FRMD3: variants seen among roughly 807,000 people sequenced by gnomAD.
FRMD3 encodes FERM domain containing 3, also known as FERM domain-containing protein 3.
FRMD3 carries 33 observed loss-of-function variants against 70.2 expected under a neutral mutation model. The observed-to-expected ratio is 0.47, with a 90% confidence interval of 0.36 to 0.63. The LOEUF is 0.63. FRMD3 is among the 20% of genes least tolerant of loss of function. FRMD3 has a pLI of 0.00. For missense variants in FRMD3, 632 were observed against 711.4 expected (o/e 0.89, Z 1.27); for synonymous variants, 279 against 255.9 (o/e 1.09, Z -0.86).
chr9:83,294,925 C>T (rs1834600148), intron 12 of FRMD3, among the ~76,000 whole-genome samples: 1 of 152,174 alleles, frequency 6.6e-6, no homozygotes, highest in Admixed American at 6.5e-5. Context: ...TCTGCCTTTC[C>T]ACCTGAACTC....
In FRMD3 at chr9:83,299,166, A is replaced by C. The variant is rs769259390; in HGVS notation, c.947T>G (p.Ile316Ser). Reference protein sequence around the residue: ...AFYKYAKSSQIKTVSSSKIFF... With the variant: ...AFYKYAKSSQSKTVSSSKIFF... ...TATCTTGCTGCTTGATACAGTCTTGATCTGACTGGATTTTGCATACCTTTA... is the reference window on the plus strand; with the variant it reads ...TATCTTGCTGCTTGATACAGTCTTGCTCTGACTGGATTTTGCATACCTTTA... Residue 316 changes from isoleucine (I) to serine (S), a missense_variant, in exon 11 of 14, where the codon ATC (isoleucine) becomes AGC (serine). Physicochemically the swap from Ile to Ser is moderately radical, Grantham distance 142. Transcript: ENST00000304195. The C allele has an allele frequency of 6.2e-7, 1 of 1,611,970 alleles. No homozygotes were observed. Among genetic ancestry groups the C allele is most frequent in the African/African-American group, 1.3e-5 (1 of 74,920 alleles).
At chr9:83,472,500 T>G (rs900414361) in intron 1 of FRMD3, among the ~76,000 whole-genome samples, 2 of 152,090 alleles carry the variant, frequency 1.3e-5, no homozygotes, top group African/African-American at 4.8e-5. Context: ...GAGGAGACAT[T>G]CTGGAGCCAG....
chr9:83,476,995 C>T (rs937186303), intron 1 of FRMD3, among the ~76,000 whole-genome samples: 2 of 152,164 alleles, frequency 1.3e-5, no homozygotes, highest in Non-Finnish European at 2.9e-5. Flanking sequence ...CTAACTAGCA[C>T]AGTATCTTGC....
chr9:83,316,843 C>T (rs1335404081), intron 6 of FRMD3, among the ~76,000 whole-genome samples: 3 of 152,152 alleles, frequency 2.0e-5, no homozygotes, highest in Non-Finnish European at 4.4e-5. Flanking sequence ...GTATTTCTCT[C>T]TCCATCTCTC....
intron 1 of FRMD3, among the ~76,000 whole-genome samples, chr9:83,505,473 G>C (rs1274921683): frequency 6.6e-6 from 1 of 152,168 alleles, no homozygotes; most frequent in African/African-American, 2.4e-5. Flanking sequence ...ACAGATGGGG[G>C]TGCTGAGTAG....
chr9:83,272,695 G>C (rs1307855426), intron 13 of FRMD3, among the ~76,000 whole-genome samples: 1 of 147,870 alleles, frequency 6.8e-6, no homozygotes. Context: ...GGGAAGTGAG[G>C]AGCGCCTCTT....
At chr9:83,308,154 T>TG (rs1480930861) in intron 10 of FRMD3, among the ~76,000 whole-genome samples, 1 of 152,158 alleles carries the variant, frequency 6.6e-6, no homozygotes, top group Non-Finnish European at 1.5e-5. Flanking sequence ...ATGGGTTTCC[T>TG]GGGACATGGG....
At chr9:83,362,764 T>TTCC (rs1469782595) in intron 3 of FRMD3, among the ~76,000 whole-genome samples, 3 of 144,074 alleles carry the variant, frequency 2.1e-5, no homozygotes, top group African/African-American at 7.9e-5. Context: ...TCCTTCCTTC[T>TTCC]CTCCTTCCTT....
intron 13 of FRMD3, among the ~76,000 whole-genome samples, chr9:83,254,637 A>G (rs1156570559): frequency 6.6e-6 from 1 of 152,128 alleles, no homozygotes. Flanking sequence ...GACTAGCTAG[A>G]CTAATAAAGA....
chr9:83,576,669 A>G, the FRMD3 span, among the ~76,000 whole-genome samples: 1 of 151,428 alleles, frequency 6.6e-6, no homozygotes, highest in Admixed American at 6.6e-5. Context: ...AAGATTAAAT[A>G]CTCTCCCCCA....
At chr9:83,476,314 G>A (rs908349840) in intron 1 of FRMD3, among the ~76,000 whole-genome samples, 12 of 151,046 alleles carry the variant, frequency 7.9e-5, no homozygotes, top group African/African-American at 2.9e-4. Flanking sequence ...AACCTGGGAA[G>A]CAGAGGTTGC....
chr9:83,542,921 T>C (rs1830015256), upstream of FRMD3, among the ~76,000 whole-genome samples: 1 of 152,132 alleles, frequency 6.6e-6, no homozygotes, highest in South Asian at 2.1e-4. Context: ...AGTATAGACA[T>C]AGACCACACA....
At chr9:83,408,340 A>G (rs1826185092) in intron 1 of FRMD3, among the ~76,000 whole-genome samples, 1 of 152,128 alleles carries the variant, frequency 6.6e-6, no homozygotes, top group South Asian at 2.1e-4. Context: ...GAGGAAAAAT[A>G]TGGTCTATCT....
At chr9:83,487,165 A>G (rs1242156046) in intron 1 of FRMD3, among the ~76,000 whole-genome samples, 2 of 152,232 alleles carry the variant, frequency 1.3e-5, no homozygotes, top group Non-Finnish European at 2.9e-5. Context: ...CCAAGTTATC[A>G]TTATCAAGAA....
chr9:83,389,760 C>T (rs773848811), intron 1 of FRMD3, 52 bp from the exon 2 acceptor site: 17 of 1,276,826 alleles, frequency 1.3e-5, no homozygotes, highest in East Asian at 9.2e-5. Flanking sequence ...TGTGCATTCA[C>T]GTCCTCAGGG....
intron 1 of FRMD3, among the ~76,000 whole-genome samples, chr9:83,443,254 T>G (rs562397754): frequency 6.6e-6 from 1 of 152,364 alleles, no homozygotes; most frequent in East Asian, 1.9e-4. Context: ...ACTTGTCATT[T>G]ACATTAGGTA....
chr9:83,354,746 A>C (rs1406552230), intron 3 of FRMD3, among the ~76,000 whole-genome samples: 1 of 152,234 alleles, frequency 6.6e-6, no homozygotes, highest in African/African-American at 2.4e-5. Flanking sequence ...ATACCAGGAC[A>C]GTAGAAGGTC....
At chr9:83,409,746 A>C (rs1437962383) in intron 1 of FRMD3, among the ~76,000 whole-genome samples, 2 of 152,244 alleles carry the variant, frequency 1.3e-5, no homozygotes, top group Non-Finnish European at 2.9e-5. Flanking sequence ...TGTATGCTCA[A>C]GCAACAAATA....
the FRMD3 span, among the ~76,000 whole-genome samples, chr9:83,547,363 CTTCT>C: frequency 8.3e-4 from 124 of 148,908 alleles, no homozygotes; most frequent in African/African-American, 2.9e-3. Flanking sequence ...ATCTAATTAC[CTTCT>C]TTGTCTTTTT....
Sources: gnomAD v4.1 joint callset for allele counts (sites outside exome capture counted in the v4.1 genomes callset) on GRCh38, gnomAD v4.1.1 for gene constraint, MANE v1.5 for transcripts, NCBI Gene and HGNC (gene_info 2026-07-23, HGNC 2026-07-21) for gene names.